PRKN: variants seen among roughly 807,000 people sequenced by gnomAD.
PRKN encodes parkin RBR E3 ubiquitin protein ligase.
A neutral mutation model predicts 59.5 loss-of-function variants in PRKN; 56 were observed. The ratio of observed to expected loss-of-function variants is 0.94; its 90% CI spans 0.76 to 1.18. The LOEUF (loss-of-function observed/expected upper bound fraction) is 1.18. Ranked by LOEUF, PRKN falls within the 50% of genes most tolerant of loss-of-function variation. The pLI, the probability that PRKN is intolerant of heterozygous loss-of-function variation, is 0.00. For synonymous variants in PRKN, 250 were observed against 222.1 expected (o/e 1.13, Z -1.12); for missense variants, 657 against 596.4 (o/e 1.10, Z -1.06).
At chr6:161,655,482 G>C (rs1260379571) in intron 7 of PRKN, among the ~76,000 whole-genome samples, 1 of 152,200 alleles carries the variant, frequency 6.6e-6, no homozygotes, top group Non-Finnish European at 1.5e-5. Context: ...TGTCACAGAG[G>C]CGTTCCTGGG....
At chr6:162,149,352 C>A (rs1043943036) in intron 4 of PRKN, among the ~76,000 whole-genome samples, 4 of 152,084 alleles carry the variant, frequency 2.6e-5, no homozygotes, top group African/African-American at 9.7e-5. Context: ...TCAAGTGATT[C>A]TCATGCCTCG....
intron 1 of PRKN, among the ~76,000 whole-genome samples, chr6:162,713,336 T>C (rs1370392883): frequency 6.6e-6 from 1 of 151,706 alleles, no homozygotes; most frequent in African/African-American, 2.4e-5. Flanking sequence ...CTATTAAAAA[T>C]ACAAAAAATT....
intron 3 of PRKN, among the ~76,000 whole-genome samples, chr6:162,206,928 C>T (rs1784970485): frequency 6.6e-6 from 1 of 152,168 alleles, no homozygotes; most frequent in South Asian, 2.1e-4. Context: ...GGAGAGAGAA[C>T]CCACTTTTCT....
intron 2 of PRKN, chr6:162,270,398 A>G (rs1466192426): frequency 1.3e-5 from 2 of 152,176 alleles, no homozygotes; most frequent in Non-Finnish European, 2.9e-5. Flanking sequence ...ATAAAATACA[A>G]CATATATGGT....
chr6:162,409,266 G>A (rs1185448467), intron 2 of PRKN, among the ~76,000 whole-genome samples: 1 of 151,758 alleles, frequency 6.6e-6, no homozygotes, highest in Non-Finnish European at 1.5e-5. Flanking sequence ...CTGGGCTTCT[G>A]CGATCCTCCT....
At chr6:161,667,130 G>T (rs543784235) in intron 7 of PRKN, among the ~76,000 whole-genome samples, 183 of 152,312 alleles carry the variant, frequency 1.2e-3, no homozygotes, top group African/African-American at 4.0e-3. Context: ...TGAGCTTTGT[G>T]CTTCAGCTTT....
intron 1 of PRKN, among the ~76,000 whole-genome samples, chr6:162,452,639 T>C (rs1790681555): frequency 6.6e-6 from 1 of 151,856 alleles, no homozygotes; most frequent in Non-Finnish European, 1.5e-5. Flanking sequence ...TTCCAAAAAA[T>C]ATTGAAATAA....
chr6:162,394,525 A>T (rs974463744), intron 2 of PRKN, among the ~76,000 whole-genome samples: 1 of 152,172 alleles, frequency 6.6e-6, no homozygotes, highest in African/African-American at 2.4e-5. Flanking sequence ...TTTTTTCCTT[A>T]TCAAGGTAAT....
chr6:161,434,195 T>G (rs893895044), intron 9 of PRKN, among the ~76,000 whole-genome samples: 14 of 152,158 alleles, frequency 9.2e-5, no homozygotes, highest in Admixed American at 3.9e-4. Flanking sequence ...TCCATACCAT[T>G]CCAATAGTAA....
intron 2 of PRKN, among the ~76,000 whole-genome samples, chr6:162,332,730 A>G (rs1377049160): frequency 6.6e-6 from 1 of 152,126 alleles, no homozygotes; most frequent in Non-Finnish European, 1.5e-5. Context: ...GTGTCCCTCC[A>G]CATGAGACAC....
chr6:161,448,905 G>A lies in PRKN; in HGVS notation c.1084-62028C>T, dbSNP rs574452191. On this transcript the variant is annotated intron_variant, in intron 9 of 11. Coordinates refer to ENST00000366898, the MANE Select transcript of PRKN (RefSeq NM_004562.3). The surrounding 1 kb of genome is among the most constrained non-coding windows in gnomAD (Gnocchi z 5.1). Reference sequence around the variant, plus strand: ...GGTAGAGGATGACTTTGGGACTCTGGCAACACAGGAAGCCCAGTGTGTTCT... The same window carrying A: ...GGTAGAGGATGACTTTGGGACTCTGACAACACAGGAAGCCCAGTGTGTTCT... Among the ~76,000 whole-genome samples the A allele has an allele frequency of 3.7e-4, 56 of 152,266 alleles. No homozygotes were observed. The highest frequency in any genetic ancestry group is 1.3e-3 in the African/African-American group (52 of 41,550).
At chr6:162,302,995 CACACAG>C (rs1369634737) in intron 2 of PRKN, among the ~76,000 whole-genome samples, 2 of 151,550 alleles carry the variant, frequency 1.3e-5, no homozygotes, top group Non-Finnish European at 2.9e-5. Flanking sequence ...CACACACACA[CACACAG>C]ACACACACAC....
At chr6:162,277,280 G>A (rs1278917155) in intron 2 of PRKN, among the ~76,000 whole-genome samples, 1 of 152,138 alleles carries the variant, frequency 6.6e-6, no homozygotes, top group African/African-American at 2.4e-5. Context: ...AGATTCGGCA[G>A]GCATCACTGT....
At chr6:161,938,642 G>A (rs544654669) in intron 6 of PRKN, among the ~76,000 whole-genome samples, 1 of 152,288 alleles carries the variant, frequency 6.6e-6, no homozygotes, top group African/African-American at 2.4e-5. Context: ...ACGTTGAAAC[G>A]AAAGAAACAA....
At position 161,452,072 on chromosome 6, in the gene PRKN, C is replaced by T. The variant is rs572981398; in HGVS notation, c.1084-65195G>A. On this transcript the variant is annotated intron_variant, in intron 9 of 11. Transcript: ENST00000366898. ...CCGGGTTCAAGCGATTCTCCTTCCT[C>T]AGCCTCCTGAGTAGCTGGGATTACA... Among the ~76,000 whole-genome samples the T allele has an allele frequency of 5.4e-4, 82 of 151,998 alleles. 1 individual carries two copies. Among genetic ancestry groups the T allele is most frequent in the Non-Finnish European group, 8.7e-4 (59 of 67,986 alleles).
At chr6:161,432,705 A>C (rs374723144) in intron 9 of PRKN, among the ~76,000 whole-genome samples, 30 of 151,886 alleles carry the variant, frequency 2.0e-4, no homozygotes, top group African/African-American at 7.0e-4. Flanking sequence ...ATTGGTGTGA[A>C]GACTGAGTTT....
At chr6:162,142,287 A>C (rs1444189982) in intron 4 of PRKN, among the ~76,000 whole-genome samples, 1 of 152,212 alleles carries the variant, frequency 6.6e-6, no homozygotes, top group Non-Finnish European at 1.5e-5. Context: ...CATGCAGCAC[A>C]GATGGCAGCC....
chr6:162,699,908 A>G (rs2803080), intron 1 of PRKN, among the ~76,000 whole-genome samples: 139,400 of 152,206 alleles, frequency 0.92, 64,003 homozygotes, highest in East Asian at 0.98. Flanking sequence ...AACAAGAGAA[A>G]ATTAAAACTC....
intron 6 of PRKN, among the ~76,000 whole-genome samples, chr6:161,970,790 G>A (rs1780776283): frequency 2.0e-5 from 3 of 152,140 alleles, no homozygotes; most frequent in South Asian, 4.2e-4. Flanking sequence ...CACCTGCCTC[G>A]GCCTCCCAAA....
Sources: allele counts gnomAD v4.1 joint callset (sites outside exome capture counted in the v4.1 genomes callset), GRCh38; gene constraint gnomAD v4.1.1; non-coding constraint Gnocchi (gnomAD v3.1); transcripts MANE v1.5; gene names NCBI Gene and HGNC (gene_info 2026-07-23, HGNC 2026-07-21).